PCDH15: variants seen among roughly 807,000 people sequenced by gnomAD.
PCDH15 encodes the protein protocadherin-15.
Under a neutral mutation model 178.5 loss-of-function variants are expected in PCDH15, and 129 were observed. The ratio of observed to expected loss-of-function variants is 0.72; its 90% confidence interval spans 0.63 to 0.84. The LOEUF (loss-of-function observed/expected upper bound fraction) is 0.84. Ranked by LOEUF, PCDH15 falls within the 40% of genes least tolerant of loss-of-function variation. The probability of loss-of-function intolerance (pLI) is 0.00; values close to 1 mark genes in which losing one functional copy is unlikely to be tolerated. For synonymous variants in PCDH15, 800 were observed against 732.0 expected (o/e 1.09, Z -1.50); for missense variants, 2,230 against 2,099.9 (o/e 1.06, Z -1.21).
intron 32 of PCDH15, among the ~76,000 whole-genome samples, chr10:53,824,018 C>T (rs551775983): frequency 1.3e-5 from 2 of 151,864 alleles, no homozygotes; most frequent in Non-Finnish European, 2.9e-5. Context: ...ATACATAATA[C>T]CAATCAGGAA....
intron 3 of PCDH15, among the ~76,000 whole-genome samples, chr10:54,387,660 T>A (rs1057201839): frequency 6.6e-6 from 1 of 152,216 alleles, no homozygotes; most frequent in African/African-American, 2.4e-5. Flanking sequence ...GCAGGATCCC[T>A]CATTCATTAT....
In PCDH15 at chr10:55,128,420, T is replaced by C. The variant is rs183825751; in HGVS notation, c.-80+38156A>G. On this transcript the variant is annotated intron_variant, in intron 2 of 5. Transcript: ENST00000458638. The stretch of plus-strand genomic sequence containing the variant: ...TAACAGCAGAGTTAACTGAGACCTA[T>C]ATGTACTTAATTCTTAGGCTCCCTA... Among the ~76,000 whole-genome samples, 211 of 152,122 alleles carry C rather than the reference T, an allele frequency of 1.4e-3. 1 individual carries two copies. The highest frequency in any genetic ancestry group is 4.9e-3 in the African/African-American group (202 of 41,550).
At chr10:54,962,163 C>A (rs1486767492) in intron 2 of PCDH15, among the ~76,000 whole-genome samples, 2 of 152,252 alleles carry the variant, frequency 1.3e-5, no homozygotes, top group Non-Finnish European at 2.9e-5. Flanking sequence ...GCTCGTTGAG[C>A]TGCAGGCAGT....
At chr10:54,135,101 A>G (rs1323905762) in intron 14 of PCDH15, among the ~76,000 whole-genome samples, 7 of 151,576 alleles carry the variant, frequency 4.6e-5, no homozygotes, top group Non-Finnish European at 8.8e-5. Flanking sequence ...CAGGAGTCTG[A>G]GGCAGAAGGG....
rs182021356 is a variant in PCDH15, at chr10:55,012,538, A to T, written c.-79-115038T>A. On this transcript the variant is annotated intron_variant, in intron 2 of 5. Coordinates refer to the PCDH15 transcript ENST00000458638. Reference sequence around the variant, plus strand: ...ATATAGTTGGTAGCCTACAGTGCCCAGTGAAAACATTCCACATCAAGGTCA... The same window carrying T: ...ATATAGTTGGTAGCCTACAGTGCCCTGTGAAAACATTCCACATCAAGGTCA... Among the ~76,000 whole-genome samples, 698 of 152,198 alleles carry T rather than the reference A, an allele frequency of 4.6e-3. 2 individuals are homozygous for T. The highest frequency in any genetic ancestry group is 7.7e-3 in the Admixed American group (117 of 15,272).
intron 29 of PCDH15, among the ~76,000 whole-genome samples, chr10:53,838,245 G>A (rs1387513200): frequency 2.0e-5 from 3 of 152,028 alleles, no homozygotes; most frequent in Non-Finnish European, 2.9e-5. Context: ...AAAGTGCTGG[G>A]ATTACAGGCG....
chr10:55,367,411 C>T (rs1046568359), intron 2 of PCDH15, among the ~76,000 whole-genome samples: 1 of 151,748 alleles, frequency 6.6e-6, no homozygotes, highest in Non-Finnish European at 1.5e-5. Flanking sequence ...GGAGGCCCCA[C>T]CTCGCCACAT....
intron 10 of PCDH15, among the ~76,000 whole-genome samples, chr10:54,207,374 GTGTA>G (rs573656246): frequency 0.17 from 1,707 of 10,208 alleles, 24 homozygotes; most frequent in African/African-American, 0.35. Context: ...TTGTGTGTGT[GTGTA>G]TGTGTGTGTG....
chr10:55,380,379 A>T (rs1365846478), intron 2 of PCDH15, among the ~76,000 whole-genome samples: 1 of 152,144 alleles, frequency 6.6e-6, no homozygotes, highest in Non-Finnish European at 1.5e-5. Context: ...CTTATGAGAG[A>T]CAATTCTCTA....
At chr10:54,767,498 T>C (rs986940163) in intron 1 of PCDH15, among the ~76,000 whole-genome samples, 1 of 152,116 alleles carries the variant, frequency 6.6e-6, no homozygotes, top group Non-Finnish European at 1.5e-5. Context: ...ACATCTTAAG[T>C]GTGCCCTGGT....
At chr10:55,466,327 A>C (rs1839830491) in intron 2 of PCDH15, among the ~76,000 whole-genome samples, 1 of 152,152 alleles carries the variant, frequency 6.6e-6, no homozygotes, top group Admixed American at 6.6e-5. Flanking sequence ...AAATTCATAG[A>C]TCATATAGAG....
At chr10:55,373,348 C>T (rs1452654348) in intron 2 of PCDH15, among the ~76,000 whole-genome samples, 1 of 152,058 alleles carries the variant, frequency 6.6e-6, no homozygotes, top group Non-Finnish European at 1.5e-5. Context: ...CAAAGTCTTT[C>T]CATGGGGGAA....
rs1270272633 is a variant in PCDH15, at chr10:54,242,124, CTATTTTTATATATATATA to C, written c.877-5211_877-5194del. On this transcript the variant is annotated intron_variant, in intron 8 of 37. Transcript: ENST00000644397. Reference sequence around the variant, plus strand: ...TGAAAATGAACTTTTGGTCTGAATTCTATTTTTATATATATATATATATATATATATATATATATATAT... The same window carrying C: ...TGAAAATGAACTTTTGGTCTGAATTCTATATATATATATATATATATATAT... 1.7e-3 allele frequency among the ~76,000 whole-genome samples: 106 copies of C among 62,262 alleles called. 3 individuals are homozygous for C. The highest frequency in any genetic ancestry group is 6.4e-3 in the African/African-American group (98 of 15,288). The allele number at this position is 62,262 out of a possible 152,430, so 40.8% of individuals were successfully genotyped here. A position where few individuals can be genotyped will look rare whatever the true frequency, so the allele number is the denominator to read the frequency against.
intron 2 of PCDH15, among the ~76,000 whole-genome samples, chr10:55,418,188 CTTT>C (rs1307934571): frequency 6.6e-6 from 1 of 151,664 alleles, no homozygotes; most frequent in African/African-American, 2.4e-5. Flanking sequence ...ATGAAAGTGA[CTTT>C]TTTACTACTC....
chr10:53,849,877 A>AAAAG (rs2078241436), intron 28 of PCDH15, among the ~76,000 whole-genome samples: 1 of 150,462 alleles, frequency 6.6e-6, no homozygotes, highest in Non-Finnish European at 1.5e-5. Context: ...AAAAAAAAAA[A>AAAAG]AAAAAAGAAA....
At chr10:54,977,156 G>A (rs1839092655) in intron 2 of PCDH15, among the ~76,000 whole-genome samples, 1 of 152,124 alleles carries the variant, frequency 6.6e-6, no homozygotes, top group South Asian at 2.1e-4. Context: ...AGTGTCAGAG[G>A]CTTTCACACC....
chr10:54,989,486 G>A (rs1482259055), intron 2 of PCDH15, among the ~76,000 whole-genome samples: 1 of 152,198 alleles, frequency 6.6e-6, no homozygotes, highest in African/African-American at 2.4e-5. Context: ...CCAAGTCCAT[G>A]GGAACCTACC....
chr10:54,487,112 A>C (rs73258120), intron 3 of PCDH15, among the ~76,000 whole-genome samples: 2,183 of 152,184 alleles, frequency 0.014, 46 homozygotes, highest in African/African-American at 0.05. Context: ...TGTATTTAAA[A>C]AGTCAGAGTA....
At chr10:55,539,093 T>C (rs919412239) in intron 2 of PCDH15, among the ~76,000 whole-genome samples, 3 of 143,796 alleles carry the variant, frequency 2.1e-5, no homozygotes, top group Non-Finnish European at 4.5e-5. Context: ...CCTCCCTTCC[T>C]TGCTTCCTTC....
Sources: allele counts gnomAD v4.1 joint callset (sites outside exome capture counted in the v4.1 genomes callset), GRCh38; gene constraint gnomAD v4.1.1; transcripts MANE v1.5; gene names NCBI Gene and HGNC (gene_info 2026-07-23, HGNC 2026-07-21).